The following KAT6B variants were observed in gnomAD, a reference collection of about 807,000 sequenced individuals.
KAT6B encodes the protein lysine acetyltransferase 6B.
KAT6B carries 10 observed loss-of-function variants against 187.5 expected under a neutral mutation model. The ratio of observed to expected loss-of-function variants is 0.05; its 90% CI spans 0.03 to 0.09. The LOEUF (loss-of-function observed/expected upper bound fraction) is 0.09, where lower values mean the gene tolerates loss of function less well. Ranked by LOEUF, KAT6B falls within the 10% of genes least tolerant of loss-of-function variation. KAT6B has a pLI of 1.00. For synonymous variants in KAT6B, 861 were observed against 926.8 expected, an observed-to-expected ratio of 0.93 and a Z score of 1.29; for missense variants, 1,952 against 2,558.9, an observed-to-expected ratio of 0.76 and a Z score of 5.12.
chr10:74,874,545 A>AT (rs1209929389), intron 3 of KAT6B, among the ~76,000 whole-genome samples: 1 of 151,834 alleles, frequency 6.6e-6, no homozygotes, highest in African/African-American at 2.4e-5. Flanking sequence ...CACCCAGCTA[A>AT]TTTTTTGTAG....
intron 13 of KAT6B, among the ~76,000 whole-genome samples, chr10:74,993,137 G>A (rs527725920): frequency 6.6e-5 from 10 of 152,090 alleles, no homozygotes; most frequent in African/African-American, 1.7e-4. Flanking sequence ...GCCTCACACC[G>A]TCAAGGCAAG....
chr10:74,975,285 A>T, intron 7 of KAT6B, 114 bp from the exon 8 acceptor site: 1 of 843,714 alleles, frequency 1.2e-6, no homozygotes, highest in Non-Finnish European at 1.9e-6. Context: ...CACAAAAAAT[A>T]CAGTTCTTAA....
chr10:74,883,571 G>A (rs1845024107), intron 3 of KAT6B, among the ~76,000 whole-genome samples: 1 of 152,132 alleles, frequency 6.6e-6, no homozygotes, highest in African/African-American at 2.4e-5. Flanking sequence ...AAAAAATTAT[G>A]AGCCATTTGT....
At chr10:74,846,639 A>G (rs1842122005) in intron 3 of KAT6B, among the ~76,000 whole-genome samples, 1 of 152,084 alleles carries the variant, frequency 6.6e-6, no homozygotes, top group East Asian at 1.9e-4. Flanking sequence ...GGGTTTCACC[A>G]TGTTGGCCAG....
At chr10:74,837,155 G>T (rs2132017007) in intron 1 of KAT6B, among the ~76,000 whole-genome samples, 1 of 152,260 alleles carries the variant, frequency 6.6e-6, no homozygotes, top group South Asian at 2.1e-4. Flanking sequence ...GAATAGTGTT[G>T]ATGTTTATGT....
At chr10:74,910,485 T>A (rs1365633588) in intron 3 of KAT6B, among the ~76,000 whole-genome samples, 2 of 152,338 alleles carry the variant, frequency 1.3e-5, no homozygotes, top group East Asian at 3.9e-4. Flanking sequence ...CTGTCTTGGC[T>A]TCTAGAGATA....
chr10:74,851,992 G>A (rs1388441587), intron 3 of KAT6B, among the ~76,000 whole-genome samples: 1 of 152,144 alleles, frequency 6.6e-6, no homozygotes, highest in East Asian at 1.9e-4. Flanking sequence ...CCAATAGCCT[G>A]TACTTTATGA....
chr10:74,917,392 T>C (rs895664780), intron 3 of KAT6B, among the ~76,000 whole-genome samples: 2 of 152,212 alleles, frequency 1.3e-5, no homozygotes, highest in African/African-American at 4.8e-5. Flanking sequence ...TTTTTCTCTG[T>C]TCCAGGATCC....
At chr10:74,872,037 G>A (rs1404814404) in intron 3 of KAT6B, among the ~76,000 whole-genome samples, 1 of 152,216 alleles carries the variant, frequency 6.6e-6, no homozygotes, top group Non-Finnish European at 1.5e-5. Context: ...GTGTGAGATA[G>A]AAGTGAATTA....
intron 10 of KAT6B, among the ~76,000 whole-genome samples, chr10:74,980,520 G>A (rs551416982): frequency 6.6e-6 from 1 of 152,246 alleles, no homozygotes; most frequent in African/African-American, 2.4e-5. Context: ...GTGTGTTCTT[G>A]AACAATTTTA....
chr10:74,914,682 G>A (rs1333286041), intron 3 of KAT6B, among the ~76,000 whole-genome samples: 1 of 152,214 alleles, frequency 6.6e-6, no homozygotes, highest in Non-Finnish European at 1.5e-5. Flanking sequence ...GTTAGGATAT[G>A]ATTCCAGTTT....
rs1456867801 is a variant in KAT6B, at chr10:74,826,664, C to T, written c.-450C>T. 2 of 153,736 alleles carry T rather than the reference C, an allele frequency of 1.3e-5. No individual in the cohort carries two copies. Among genetic ancestry groups the T allele is most frequent in the Non-Finnish European group, 2.9e-5 (2 of 68,338 alleles). The allele number at this position is 153,736 out of a possible 1,614,324, so 9.5% of individuals were successfully genotyped here. On this transcript the variant is annotated 5_prime_UTR_variant, in exon 1 of 18. Coordinates refer to ENST00000287239, the MANE Select transcript of KAT6B (RefSeq NM_012330.4). Reference sequence around the variant, plus strand: ...GACACAAAATGGCGGCGGCTTAGCTCCTACCCCTGGCGGCGGCGGCAGCGG... The same window carrying T: ...GACACAAAATGGCGGCGGCTTAGCTTCTACCCCTGGCGGCGGCGGCAGCGG...
chr10:75,001,785 TC>T (rs1313949494), intron 13 of KAT6B, among the ~76,000 whole-genome samples: 2 of 152,188 alleles, frequency 1.3e-5, no homozygotes, highest in African/African-American at 4.8e-5. Context: ...GCCTATCTCC[TC>T]TGGAAAACAG....
At chr10:74,830,760 ATATATATATTTTTTTTTTTTTTT>A (rs1840752368) in intron 1 of KAT6B, among the ~76,000 whole-genome samples, 1 of 27,026 alleles carries the variant, frequency 3.7e-5, no homozygotes. Context: ...ATATATATAT[ATATATATATTTTTTTTTTTTTTT>A]TTTTTTTTTT....
chr10:74,877,036 G>A (rs1028288342), intron 3 of KAT6B, among the ~76,000 whole-genome samples: 1 of 151,418 alleles, frequency 6.6e-6, no homozygotes, highest in Non-Finnish European at 1.5e-5. Context: ...GTGCAATCTC[G>A]GCTCACTGCA....
At chr10:74,974,288 C>T (rs1482488336) in intron 7 of KAT6B, among the ~76,000 whole-genome samples, 1 of 152,154 alleles carries the variant, frequency 6.6e-6, no homozygotes, top group Non-Finnish European at 1.5e-5. Context: ...GAAATCTGGT[C>T]ATTAAATCTT....
chr10:74,894,970 G>A (rs573741964), intron 3 of KAT6B, among the ~76,000 whole-genome samples: 3 of 151,898 alleles, frequency 2.0e-5, no homozygotes, highest in Non-Finnish European at 2.9e-5. Context: ...TTGAGGAGCC[G>A]CCAAACTGTT....
intron 3 of KAT6B, among the ~76,000 whole-genome samples, chr10:74,949,301 A>G (rs1252191370): frequency 1.3e-5 from 2 of 152,276 alleles, no homozygotes; most frequent in East Asian, 3.9e-4. Context: ...GAAGTGGAGG[A>G]GAGAAGTCCC....
At chr10:74,904,975 C>T (rs888796226) in intron 3 of KAT6B, among the ~76,000 whole-genome samples, 7 of 152,066 alleles carry the variant, frequency 4.6e-5, no homozygotes, top group Non-Finnish European at 8.8e-5. Flanking sequence ...CTTAAAATTA[C>T]ACTTACTAGA....
Sources: gnomAD v4.1 joint callset for allele counts (sites outside exome capture counted in the v4.1 genomes callset) on GRCh38, gnomAD v4.1.1 for gene constraint, MANE v1.5 for transcripts, NCBI Gene and HGNC (gene_info 2026-07-23, HGNC 2026-07-21) for gene names.